The following DOCK11 variants were observed in gnomAD, a reference collection of about 807,000 sequenced individuals.
DOCK11 encodes the protein dedicator of cytokinesis 11.
DOCK11 carries 70 observed loss-of-function variants against 169.1 expected under a neutral mutation model. The ratio of observed to expected loss-of-function variants is 0.41; its 90% CI spans 0.34 to 0.51. The LOEUF (loss-of-function observed/expected upper bound fraction) is 0.51, where lower values mean the gene tolerates loss of function less well. Among genes scored for constraint, DOCK11 ranks in the 20% least tolerant of loss-of-function variants. DOCK11 has a pLI of 0.10. For missense variants in DOCK11, 1,166 were observed against 1,538.8 expected (o/e 0.76, Z 4.05); for synonymous variants, 529 against 541.3 (o/e 0.98, Z 0.32).
chrX:118,652,203 T>C, intron 42 of DOCK11, 126 bp downstream of exon 42: 1 of 442,092 alleles, frequency 2.3e-6, no homozygotes, highest in Non-Finnish European at 3.9e-6. Flanking sequence ...GTTTTATGAG[T>C]TAAGGGCTTT....
At chrX:118,568,741 T>C (rs924405730) in intron 10 of DOCK11, among the ~76,000 whole-genome samples, 21 of 110,436 alleles carry the variant, frequency 1.9e-4, no homozygotes, top group African/African-American at 5.9e-4. Context: ...ATGTGTTTTG[T>C]AGTAAGATAT....
chrX:118,585,365 TC>T (rs1163778348), intron 16 of DOCK11, among the ~76,000 whole-genome samples: 3 of 108,256 alleles, frequency 2.8e-5, no homozygotes, highest in African/African-American at 1.0e-4. Context: ...GAAGAGCCAT[TC>T]CTTGCCTCTT....
In DOCK11 at chrX:118,628,348, C is replaced by T. The variant is rs765590695; in HGVS notation, c.3774+76C>T. The stretch of plus-strand genomic sequence containing the variant: ...AATTTTTTTATAGTATAAATATGAG[C>T]ATCTGTACTCACCTGTAGTCCATCC... On this transcript the variant is annotated intron_variant, in intron 34 of 52. Coordinates refer to ENST00000276202, the MANE Select transcript of DOCK11 (RefSeq NM_144658.4). The T allele has an allele frequency of 1.3e-5, 8 of 636,951 alleles. No individual in the cohort carries two copies. The South Asian group carries it at 2.4e-4, about 19-fold the overall frequency. 52.5% of individuals were successfully genotyped at this position (636,951 alleles called of 1,213,427 possible). A position where few individuals can be genotyped will look rare whatever the true frequency, so the allele number is the denominator to read the frequency against.
intron 41 of DOCK11, among the ~76,000 whole-genome samples, chrX:118,649,593 A>G (rs1345011259): frequency 9.0e-6 from 1 of 111,445 alleles, no homozygotes; most frequent in African/African-American, 3.3e-5. Flanking sequence ...ATCTCGGCTC[A>G]CTGCAACCTC....
chrX:118,557,644 G>A (rs1469112883), intron 6 of DOCK11, among the ~76,000 whole-genome samples: 2 of 105,541 alleles, frequency 1.9e-5, no homozygotes, highest in East Asian at 6.1e-4. Flanking sequence ...GGCGCCCGTA[G>A]TCCCAGCTAC....
chrX:118,551,948 G>A (rs1164912659), intron 6 of DOCK11, among the ~76,000 whole-genome samples: 1 of 107,404 alleles, frequency 9.3e-6, no homozygotes, highest in African/African-American at 3.4e-5. Flanking sequence ...TTAAGTGGGA[G>A]GATCACCTGA....
At chrX:118,545,939 C>T in intron 5 of DOCK11, 82 bp from the exon 6 acceptor site, 1 of 628,553 alleles carries the variant, frequency 1.6e-6, no homozygotes, top group Non-Finnish European at 2.6e-6. Context: ...ATGGGCAGGG[C>T]CTCATTCTGT....
At chrX:118,641,339 A>G (rs1487369100) in intron 39 of DOCK11, 34 bp downstream of exon 39, 3 of 1,010,042 alleles carry the variant, frequency 3.0e-6, no homozygotes, top group Non-Finnish European at 4.2e-6. Flanking sequence ...AGTTGGTACC[A>G]TTGCAAAGTA....
At chrX:118,601,076 G>A (rs185468011) in intron 23 of DOCK11, among the ~76,000 whole-genome samples, 2 of 111,255 alleles carry the variant, frequency 1.8e-5, no homozygotes, top group East Asian at 5.6e-4. Context: ...AAGAGTAGAA[G>A]GGAGACAGTC....
intron 34 of DOCK11, 86 bp from the exon 35 acceptor site, chrX:118,630,293 A>G: frequency 1.9e-6 from 1 of 526,877 alleles, no homozygotes; most frequent in Admixed American, 3.1e-5. Context: ...TTTCCCAAAC[A>G]GATCTAATGA....
At chrX:118,612,287 A>T (rs2014703233) in intron 28 of DOCK11, among the ~76,000 whole-genome samples, 1 of 112,221 alleles carries the variant, frequency 8.9e-6, no homozygotes, top group South Asian at 3.7e-4. Flanking sequence ...TCTTTGCCAG[A>T]ATTAAAATAA....
chrX:118,503,970 G>T (rs1373946075), intron 1 of DOCK11, among the ~76,000 whole-genome samples: 2 of 110,922 alleles, frequency 1.8e-5, no homozygotes, highest in African/African-American at 6.6e-5. Context: ...TTGCCCTGAG[G>T]AGCAGGGGGT....
rs780940807 is a variant in DOCK11, at chrX:118,532,633, T to C, written c.103-10092T>C. On this transcript the variant is annotated intron_variant, in intron 1 of 52. Coordinates refer to ENST00000276202, the MANE Select transcript of DOCK11 (RefSeq NM_144658.4). Reference sequence around the variant, plus strand: ...GTCTCTACTAAAAAATACAAAAAATTAGTCAGGCGTGGTGGTGGGCGCCTG... The same window carrying C: ...GTCTCTACTAAAAAATACAAAAAATCAGTCAGGCGTGGTGGTGGGCGCCTG... 1.2e-3 allele frequency among the ~76,000 whole-genome samples: 126 copies of C among 108,484 alleles called. 1 individual carries two copies. Among genetic ancestry groups the C allele is most frequent in the African/African-American group, 3.9e-3 (116 of 29,778 alleles). The allele number at this position is 108,484 out of a possible 115,157, so 94.2% of individuals were successfully genotyped here. A position where few individuals can be genotyped will look rare whatever the true frequency, so the allele number is the denominator to read the frequency against.
At chrX:118,523,583 C>T (rs1342669044) in intron 1 of DOCK11, among the ~76,000 whole-genome samples, 2 of 111,843 alleles carry the variant, frequency 1.8e-5, no homozygotes, top group Non-Finnish European at 3.8e-5. Context: ...GTGTTTCTCA[C>T]GTTTAGTAAG....
intron 1 of DOCK11, among the ~76,000 whole-genome samples, chrX:118,530,734 C>T (rs774851281): frequency 8.9e-6 from 1 of 112,019 alleles, no homozygotes; most frequent in African/African-American, 3.2e-5. Flanking sequence ...CTCTCTGTAT[C>T]CCCTACCCTA....
intron 45 of DOCK11, among the ~76,000 whole-genome samples, 185 bp downstream of exon 45, chrX:118,662,977 C>T (rs2016254270): frequency 8.9e-6 from 1 of 112,106 alleles, no homozygotes; most frequent in Non-Finnish European, 1.9e-5. Flanking sequence ...GAACTGGTCC[C>T]ATTGTCTAGT....
At chrX:118,558,061 G>A (rs972150822) in intron 6 of DOCK11, among the ~76,000 whole-genome samples, 4 of 98,208 alleles carry the variant, frequency 4.1e-5, no homozygotes, top group Admixed American at 2.3e-4. Flanking sequence ...TGCAGCCTCC[G>A]CCTCCCGGGT....
At chrX:118,573,109 A>G (rs1399624613) in intron 11 of DOCK11, among the ~76,000 whole-genome samples, 1 of 112,612 alleles carries the variant, frequency 8.9e-6, no homozygotes, top group Non-Finnish European at 1.9e-5. Context: ...CTGTAAGTGT[A>G]AAATCTTCAG....
At position 118,544,334 on chromosome X, in the gene DOCK11, A is replaced by G. The variant is rs184717320; in HGVS notation, c.392+741A>G. Among the ~76,000 whole-genome samples, 5 of 111,665 alleles carry G rather than the reference A, an allele frequency of 4.5e-5. No homozygotes were observed. In the Admixed American group the frequency reaches 4.8e-4, roughly 11 times the overall value. On this transcript the variant is annotated intron_variant, in intron 4 of 52. Transcript: ENST00000276202. ...CTGTTGGGGCTCAAATCTTATTTCT[A>G]CCACTTACTAGCTGGATGACCATGG...
Sources: allele counts gnomAD v4.1 joint callset (sites outside exome capture counted in the v4.1 genomes callset), GRCh38; gene constraint gnomAD v4.1.1; transcripts MANE v1.5; gene names NCBI Gene and HGNC (gene_info 2026-07-23, HGNC 2026-07-21).